The following ARAP2 variants were observed in gnomAD, a reference collection of about 807,000 sequenced individuals.
ARAP2 encodes the protein arf-GAP with Rho-GAP domain, ANK repeat and PH domain-containing protein 2.
A neutral mutation model predicts 194.5 loss-of-function variants in ARAP2; 148 were observed. The observed-to-expected ratio is 0.76, with a 90% CI of 0.67 to 0.87. The LOEUF is 0.87. Ranked by LOEUF, ARAP2 falls within the 40% of genes least tolerant of loss-of-function variation. ARAP2 has a pLI of 0.00. For missense variants in ARAP2, 2,128 were observed against 1,989.7 expected, an observed-to-expected ratio of 1.07 and a Z score of -1.32; for synonymous variants, 695 against 683.5, an observed-to-expected ratio of 1.02 and a Z score of -0.26.
intron 1 of ARAP2, among the ~76,000 whole-genome samples, chr4:36,231,101 C>G (rs71604021): frequency 0.24 from 36,623 of 152,082 alleles, 5,038 homozygotes; most frequent in South Asian, 0.32. Context: ...CTTTGGGAGG[C>G]CAAGGCTGGC....
At chr4:36,143,821 TGTTA>T (rs1728941896) in intron 19 of ARAP2, among the ~76,000 whole-genome samples, 1 of 151,860 alleles carries the variant, frequency 6.6e-6, no homozygotes, top group African/African-American at 2.4e-5. Flanking sequence ...GAACATAACT[TGTTA>T]GTAACACATG....
At chr4:36,182,288 T>C (rs1306479534) in intron 8 of ARAP2, among the ~76,000 whole-genome samples, 1 of 152,004 alleles carries the variant, frequency 6.6e-6, no homozygotes, top group East Asian at 1.9e-4. Context: ...GTCAGGATAT[T>C]GAGACCATCC....
intron 3 of ARAP2, among the ~76,000 whole-genome samples, chr4:36,048,766 C>T (rs545931546): frequency 1.1e-4 from 17 of 152,048 alleles, no homozygotes; most frequent in South Asian, 8.3e-4. Context: ...TTAAGTTTTT[C>T]GAGAAATATC....
intron 2 of ARAP2, among the ~76,000 whole-genome samples, chr4:36,220,548 C>T (rs753022237): frequency 4.6e-5 from 7 of 150,894 alleles, no homozygotes; most frequent in Non-Finnish European, 1.0e-4. Context: ...TTAGAATGTA[C>T]TCCTTCCACT....
At chr4:36,128,869 G>GAT (rs1185451800) in intron 20 of ARAP2, 124 bp from the exon 21 acceptor site, 1 of 766,296 alleles carries the variant, frequency 1.3e-6, no homozygotes, top group African/African-American at 1.8e-5. Context: ...CGCAAGAGAT[G>GAT]ATATAAACAT....
intron 32 of ARAP2, among the ~76,000 whole-genome samples, chr4:36,070,158 T>G (rs962297674): frequency 2.6e-5 from 4 of 152,148 alleles, no homozygotes; most frequent in African/African-American, 9.7e-5. Flanking sequence ...TCTATAATAT[T>G]AGCCTAAATT....
intron 1 of ARAP2, among the ~76,000 whole-genome samples, chr4:36,238,624 T>C (rs1025940532): frequency 6.6e-6 from 1 of 152,230 alleles, no homozygotes; most frequent in African/African-American, 2.4e-5. Context: ...TCAAGTTTTA[T>C]ACACCATTTA....
At chr4:36,217,198 C>T (rs1748125220) in intron 2 of ARAP2, among the ~76,000 whole-genome samples, 1 of 152,088 alleles carries the variant, frequency 6.6e-6, no homozygotes, top group African/African-American at 2.4e-5. Context: ...ATTTTTTGAC[C>T]TCAAAAGGAG....
intron 5 of ARAP2, among the ~76,000 whole-genome samples, chr4:36,030,424 ATCCTT>A (rs1308234000): frequency 2.0e-5 from 3 of 152,056 alleles, no homozygotes; most frequent in Non-Finnish European, 2.9e-5. Context: ...TGCACCATGT[ATCCTT>A]TTTATATATA....
chr4:36,189,849 A>G (rs972789957), intron 7 of ARAP2, among the ~76,000 whole-genome samples: 2 of 152,184 alleles, frequency 1.3e-5, no homozygotes, highest in African/African-American at 4.8e-5. Context: ...TGTAAAACTG[A>G]ATTTATTTTC....
downstream of ARAP2, chr4:36,065,218 G>C (rs995781370): frequency 1.3e-5 from 5 of 378,152 alleles, no homozygotes; most frequent in South Asian, 2.3e-5. Flanking sequence ...GAGTGAGCCT[G>C]CTCTTGCAGG....
At chr4:36,205,662 T>C (rs1357760704) in intron 6 of ARAP2, among the ~76,000 whole-genome samples, 1 of 151,966 alleles carries the variant, frequency 6.6e-6, no homozygotes, top group East Asian at 1.9e-4. Flanking sequence ...GGCCCAAAGT[T>C]ACCTACTTTT....
chr4:36,082,358 G>T, intron 29 of ARAP2, 72 bp from the exon 30 acceptor site: 1 of 1,440,068 alleles, frequency 6.9e-7, no homozygotes. Context: ...AACAGGATTA[G>T]ATGTTAAGGA....
intron 8 of ARAP2, among the ~76,000 whole-genome samples, chr4:36,184,236 T>A (rs1739973486): frequency 6.6e-6 from 1 of 151,516 alleles, no homozygotes; most frequent in Admixed American, 6.6e-5. Context: ...ATATTTAGTG[T>A]ACTGTTGAAA....
chr4:36,226,060 T>C (rs553956166), intron 2 of ARAP2, among the ~76,000 whole-genome samples: 5 of 152,290 alleles, frequency 3.3e-5, no homozygotes, highest in African/African-American at 1.2e-4. Flanking sequence ...TTTGCTCATT[T>C]TATGATCTGA....
rs538464342 is a variant in ARAP2 at position 36,005,467 on chromosome 4, T to C, written n.1469+1436A>G. 8 of 152,256 alleles carry C rather than the reference T, an allele frequency of 5.3e-5. No individual in the cohort carries two copies. The East Asian group carries it at 1.2e-3, about 22-fold the overall frequency. The allele number at this position is 152,256 out of a possible 1,614,324, so 9.4% of individuals were successfully genotyped here. A position where few individuals can be genotyped will look rare whatever the true frequency, so the allele number is the denominator to read the frequency against. The stretch of plus-strand genomic sequence containing the variant: ...CACTATAAGTGACATAGTTATTAAA[T>C]ACTAAGTCACATTGTTCCAAAAGCA... On this transcript the variant is annotated intron_variant and non_coding_transcript_variant, in intron 10 of 12. Coordinates refer to the ARAP2 transcript ENST00000503225.
chr4:36,069,425 A>G (rs1385654059), intron 32 of ARAP2, among the ~76,000 whole-genome samples: 2 of 152,192 alleles, frequency 1.3e-5, no homozygotes, highest in African/African-American at 2.4e-5. Context: ...CAATGTAAAT[A>G]CAACCAATGC....
intron 2 of ARAP2, among the ~76,000 whole-genome samples, chr4:36,223,597 C>T (rs1327337920): frequency 6.6e-6 from 1 of 152,176 alleles, no homozygotes; most frequent in Admixed American, 6.6e-5. Context: ...TGTTCAAACT[C>T]TAACCCCCAA....
chr4:36,083,984 C>T (rs1730234761), intron 28 of ARAP2, among the ~76,000 whole-genome samples: 1 of 152,086 alleles, frequency 6.6e-6, no homozygotes, highest in Non-Finnish European at 1.5e-5. Flanking sequence ...CTGGATGCTT[C>T]CTGCCCTTGA....
Sources: allele counts gnomAD v4.1 joint callset (sites outside exome capture counted in the v4.1 genomes callset), GRCh38; gene constraint gnomAD v4.1.1; transcripts MANE v1.5; gene names NCBI Gene and HGNC (gene_info 2026-07-23, HGNC 2026-07-21).